Variants in RAI2 observed in about 807,000 individuals in gnomAD.
RAI2 encodes retinoic acid induced 2.
Under a neutral mutation model 15.3 loss-of-function variants are expected in RAI2, and 5 were observed. The observed-to-expected ratio is 0.33, with a 90% CI of 0.17 to 0.69. RAI2 has a LOEUF of 0.69. Ranked by LOEUF, RAI2 falls within the 30% of genes least tolerant of loss-of-function variation. The probability of loss-of-function intolerance (pLI) is 0.69; values close to 1 mark genes in which losing one functional copy is unlikely to be tolerated. For missense variants in RAI2, 424 were observed against 424.7 expected (o/e 1.00, Z 0.01); for synonymous variants, 191 against 184.0 (o/e 1.04, Z -0.31).
intron 1 of RAI2, among the ~76,000 whole-genome samples, chrX:17,842,283 A>G (rs1311211854): frequency 9.0e-6 from 1 of 111,643 alleles, no homozygotes; most frequent in African/African-American, 3.3e-5. Flanking sequence ...AGGGAGGCTT[A>G]GTCTCACTGC....
intron 1 of RAI2, among the ~76,000 whole-genome samples, chrX:17,825,430 C>T (rs1205919087): frequency 1.8e-5 from 2 of 112,787 alleles, no homozygotes; most frequent in African/African-American, 6.4e-5. Context: ...ACATAGGGGA[C>T]AACCATGAGA....
At position 17,830,959 on chromosome X, in the gene RAI2, T is replaced by C. The variant is rs973035180; in HGVS notation, c.-24-28925A>G. On this transcript the variant is annotated intron_variant, in intron 1 of 1. Coordinates refer to ENST00000451717, the MANE Select transcript of RAI2 (RefSeq NM_021785.6). ...AAATTGACCCAATGTATCTGTGCTA[T>C]TTCTAACACATGATGAAAACAATGA... Among the ~76,000 whole-genome samples, 8 of 112,285 alleles carry C rather than the reference T, an allele frequency of 7.1e-5. No homozygotes were observed. In the South Asian group the frequency reaches 3.0e-3, roughly 42 times the overall value.
chrX:17,800,389 TAATC>T lies in RAI2; in HGVS notation c.*25_*28del, dbSNP rs1291374418. 12 of 1,155,468 alleles carry T rather than the reference TAATC, an allele frequency of 1.0e-5. No individual in the cohort carries two copies. The highest frequency in any genetic ancestry group is 1.2e-5 in the Non-Finnish European group (10 of 865,685). The stretch of plus-strand genomic sequence containing the variant: ...AACCAATGCACCTTTCCCCATATTA[TAATC>T]ATACAAATTTTAAAAAGCCGTTATT... On this transcript the variant is annotated 3_prime_UTR_variant, in exon 2 of 2. Transcript: ENST00000451717.
intron 1 of RAI2, chrX:17,860,651 C>A (rs1482907761): frequency 8.9e-6 from 1 of 112,516 alleles, no homozygotes; most frequent in Non-Finnish European, 1.9e-5. Flanking sequence ...CTGGAAGGCG[C>A]CGGGTTTTCC....
chrX:17,818,753 G>A (rs1472503804), intron 1 of RAI2, among the ~76,000 whole-genome samples: 1 of 112,137 alleles, frequency 8.9e-6, no homozygotes, highest in Admixed American at 9.4e-5. Flanking sequence ...CTGGCAACTG[G>A]ATTTTGGAGG....
chrX:17,800,224 A>T lies in RAI2; in HGVS notation c.*194T>A. The T allele has an allele frequency of 2.0e-6, 1 of 488,129 alleles. No individual in the cohort carries two copies. The highest frequency in any genetic ancestry group is 3.1e-6 in the Non-Finnish European group (1 of 321,764). 40.2% of individuals were successfully genotyped at this position (488,129 alleles called of 1,213,427 possible). On this transcript the variant is annotated 3_prime_UTR_variant, in exon 2 of 2. Transcript: ENST00000451717. ...CTTGAAAAATAGGTTGCTCTTATTT[A>T]CTCATTTGTGAAAAGTCAAAAATTA...
intron 1 of RAI2, among the ~76,000 whole-genome samples, chrX:17,809,786 G>T (rs993081515): frequency 9.1e-6 from 1 of 110,401 alleles, no homozygotes; most frequent in Non-Finnish European, 1.9e-5. Context: ...TTGTGTTTTT[G>T]GGGGGAGAGT....
chrX:17,812,295 G>T (rs10521676), intron 1 of RAI2, among the ~76,000 whole-genome samples: 5,090 of 111,545 alleles, frequency 0.046, 293 homozygotes, highest in African/African-American at 0.15. Flanking sequence ...AAAGATTCAT[G>T]TAAAAATCAG....
chrX:17,813,192 G>A (rs1175884451), intron 1 of RAI2, among the ~76,000 whole-genome samples: 1 of 110,878 alleles, frequency 9.0e-6, no homozygotes, highest in Admixed American at 9.6e-5. Flanking sequence ...ATCAGTCCCA[G>A]GAAAAAAATC....
chrX:17,853,927 C>T (rs1329985220), intron 1 of RAI2, among the ~76,000 whole-genome samples: 2 of 110,495 alleles, frequency 1.8e-5, no homozygotes, highest in Non-Finnish European at 3.8e-5. Context: ...CCATACAAAA[C>T]CAAAATCAAT....
Position 17,801,421 on chromosome X carries a change from G to C in RAI2, c.590C>G (p.Thr197Ser), listed in dbSNP as rs1026452802. Reference sequence around the variant, plus strand: ...AGGCTGACAGGGTGGGGGCCCGAGAGTGCCCTGGGAGGGAAACAAATTCTG... The same window carrying C: ...AGGCTGACAGGGTGGGGGCCCGAGACTGCCCTGGGAGGGAAACAAATTCTG... Reference protein sequence around the residue: ...VLQNLFPSQGTLGPPPCQPPP... With the variant: ...VLQNLFPSQGSLGPPPCQPPP... Residue 197 changes from threonine to serine, a missense_variant, in exon 2 of 2, where the codon ACT becomes AGT. By Grantham distance (58) the Thr-to-Ser change is moderately conservative. Transcript: ENST00000451717. The C allele has an allele frequency of 3.1e-5, 36 of 1,157,648 alleles. No homozygotes were observed. Among genetic ancestry groups the C allele is most frequent in the Non-Finnish European group, 4.1e-5 (36 of 869,300 alleles).
At chrX:17,802,132 T>C (rs2066921394) in intron 1 of RAI2, 98 bp from the exon 2 acceptor site, 4 of 1,013,228 alleles carry the variant, frequency 3.9e-6, no homozygotes, top group Non-Finnish European at 4.0e-6. Context: ...CACGTTTTAG[T>C]TAACCAGGGA....
In RAI2 at chrX:17,837,359, T is replaced by C. The variant is rs754026727; in HGVS notation, c.-25+23739A>G. On this transcript the variant is annotated intron_variant, in intron 1 of 1. Coordinates refer to ENST00000451717, the MANE Select transcript of RAI2 (RefSeq NM_021785.6). ...GAAATCCTTACTGACATCCTGTGGA[T>C]GGGCAACAGGCTGGATTTTCCCAAG... is the stretch of plus-strand genomic sequence containing the variant. 4.5e-5 allele frequency among the ~76,000 whole-genome samples: 5 copies of C among 112,156 alleles called. No individual in the cohort carries two copies. In the South Asian group the frequency reaches 1.9e-3, roughly 42 times the overall value.
chrX:17,857,225 TC>T (rs746164327), intron 1 of RAI2, among the ~76,000 whole-genome samples: 28 of 110,956 alleles, frequency 2.5e-4, no homozygotes, highest in Non-Finnish European at 4.7e-4. Flanking sequence ...TAGCCATCTT[TC>T]CCCCTCATTC....
intron 1 of RAI2, among the ~76,000 whole-genome samples, chrX:17,843,453 GATCAGGTCTA>G (rs1181599337): frequency 8.9e-6 from 1 of 112,455 alleles, no homozygotes; most frequent in Non-Finnish European, 1.9e-5. Flanking sequence ...TGGATGAACT[GATCAGGTCTA>G]ATCTAGAAGC....
intron 1 of RAI2, among the ~76,000 whole-genome samples, chrX:17,809,629 T>A (rs998096949): frequency 8.2e-5 from 9 of 109,882 alleles, no homozygotes; most frequent in South Asian, 3.9e-4. Flanking sequence ...GTGCTCAAAA[T>A]TTTTTTTTTC....
In RAI2 at chrX:17,800,703, C is replaced by T. The variant is rs755014526; in HGVS notation, c.1308G>A (p.Ala436=). ...NNIEMVGESQ[A]AKVIVSVEDA... is the part of the protein sequence containing the mutation. ...CTTCGACAGAGACAATGACCTTGGC[C>T]GCCTGGGACTCGCCCACCATCTCAA... Residue 436 remains alanine (A), a synonymous_variant, in exon 2 of 2, where the codon GCG becomes GCA. Transcript: ENST00000451717. 19 of 1,211,505 alleles carry T rather than the reference C, an allele frequency of 1.6e-5. No individual in the cohort carries two copies. The South Asian group carries it at 1.6e-4, about 10-fold the overall frequency.
intron 1 of RAI2, among the ~76,000 whole-genome samples, chrX:17,839,337 C>T (rs1399888864): frequency 2.7e-5 from 3 of 112,225 alleles, no homozygotes; most frequent in Admixed American, 9.4e-5. Flanking sequence ...TAGTGTGGAA[C>T]AGTGTCCATC....
In RAI2 at chrX:17,801,905, C is replaced by T. The variant is rs754559521; in HGVS notation, c.106G>A (p.Glu36Lys). Residue 36 changes from glutamate to lysine, a missense_variant, in exon 2 of 2, where the codon GAG (glutamate) becomes AAG (lysine). By Grantham distance (56) the Glu-to-Lys change is moderately conservative. Coordinates refer to ENST00000451717, the MANE Select transcript of RAI2 (RefSeq NM_021785.6). Reference sequence around the variant, plus strand: ...TCAGTGGAGTTGATGTTCCAGGCCTCGGTGGTGATCAGCTGAGCCATGCCA... The same window carrying T: ...TCAGTGGAGTTGATGTTCCAGGCCTTGGTGGTGATCAGCTGAGCCATGCCA... ...ENGMAQLITT[E>K]AWNINSTDLV... 52 of 1,208,771 alleles carry T rather than the reference C, an allele frequency of 4.3e-5. No individual in the cohort carries two copies. The highest frequency in any genetic ancestry group is 5.4e-5 in the Non-Finnish European group (48 of 894,895).
Sources: gnomAD v4.1 joint callset for allele counts (sites outside exome capture counted in the v4.1 genomes callset) on GRCh38, gnomAD v4.1.1 for gene constraint, MANE v1.5 for transcripts, NCBI Gene and HGNC (gene_info 2026-07-23, HGNC 2026-07-21) for gene names.